Variants in STEAP1 observed in about 807,000 individuals in gnomAD.
The protein encoded by STEAP1 is STEAP1 protein.
A neutral mutation model predicts 34.4 loss-of-function variants in STEAP1; 30 were observed. The ratio of observed to expected loss-of-function variants is 0.87; its 90% CI spans 0.65 to 1.18. STEAP1 has a LOEUF of 1.18. Among genes scored for constraint, STEAP1 ranks in the 50% most tolerant of loss-of-function variants. STEAP1 has a pLI of 0.00. For missense variants in STEAP1, 318 were observed against 391.1 expected (o/e 0.81, Z 1.58); for synonymous variants, 116 against 135.3 (o/e 0.86, Z 0.99).
chr7:90,157,957 T>C (rs1325741127), intron 1 of STEAP1, among the ~76,000 whole-genome samples: 2 of 152,198 alleles, frequency 1.3e-5, no homozygotes, highest in East Asian at 1.9e-4. Flanking sequence ...TTAGGCTAGA[T>C]GGTATAGTCT....
intron 1 of STEAP1, among the ~76,000 whole-genome samples, chr7:90,155,991 A>T (rs969145275): frequency 2.0e-5 from 3 of 152,110 alleles, no homozygotes; most frequent in Admixed American, 1.3e-4. Flanking sequence ...ACATCGCTCT[A>T]CCATGCAGTT....
At position 90,161,239 on chromosome 7, in the gene STEAP1, A is replaced by G; in HGVS notation, c.519A>G (p.Val173=). 1.2e-6 allele frequency: 2 copies of G among 1,614,134 alleles called. No homozygotes were observed. The highest frequency in any genetic ancestry group is 2.2e-5 in the South Asian group (2 of 91,082). Residue 173 remains valine (V), a synonymous_variant, in exon 3 of 5, where the codon GTA becomes GTG. Transcript: ENST00000297205. ...QFGLLSFFFA[V]LHAIYSLSYP... is the part of the protein sequence containing the mutation. ...GGCTTCTCAGTTTCTTTTTTGCTGT[A>G]CTGCATGCAATTTATAGTCTGTCTT...
chr7:90,157,320 T>C (rs1357440659), intron 1 of STEAP1, among the ~76,000 whole-genome samples: 1 of 152,238 alleles, frequency 6.6e-6, no homozygotes, highest in Admixed American at 6.5e-5. Context: ...GCTTTCTTCT[T>C]TTCTAATGAA....
At position 90,160,841 on chromosome 7, in the gene STEAP1, C is replaced by T. The variant is rs553569756; in HGVS notation, c.121C>T (p.Pro41Ser). 33 of 1,614,000 alleles carry T rather than the reference C, an allele frequency of 2.0e-5. No homozygotes were observed. The South Asian group carries it at 3.6e-4, about 18-fold the overall frequency. The change falls in exon 3 of 5, where the codon CCT becomes TCT. Residue 41 changes from proline (P) to serine (S), a missense_variant. Physicochemically the swap from Pro to Ser is moderately conservative, Grantham distance 74. Coordinates refer to ENST00000297205, the MANE Select transcript of STEAP1 (RefSeq NM_012449.3). ...DTGETSMLKR[P>S]VLLHLHQTAH... ...GGGAGAGACCAGCATGCTAAAAAGACCTGTGCTTTTGCATTTGCACCAAAC... is the reference window on the plus strand; with the variant it reads ...GGGAGAGACCAGCATGCTAAAAAGATCTGTGCTTTTGCATTTGCACCAAAC...
rs781085814 is a variant in STEAP1 at position 90,161,017 on chromosome 7, A to G, written c.297A>G (p.Ala99=). Residue 99 remains alanine (A), a synonymous_variant, in exon 3 of 5, where the codon GCA becomes GCG. Coordinates refer to ENST00000297205, the MANE Select transcript of STEAP1 (RefSeq NM_012449.3). ...TLLREVIHPL[A]TSHQQYFYKI... is the part of the protein sequence containing the mutation. Reference sequence around the variant, plus strand: ...TGAGGGAAGTAATTCACCCTTTAGCAACTTCCCATCAACAATATTTTTATA... The same window carrying G: ...TGAGGGAAGTAATTCACCCTTTAGCGACTTCCCATCAACAATATTTTTATA... 3 of 1,613,874 alleles carry G rather than the reference A, an allele frequency of 1.9e-6. No homozygotes were observed. Among genetic ancestry groups the G allele is most frequent in the Non-Finnish European group, 8.5e-7 (1 of 1,179,858 alleles).
rs777671233 is a variant in STEAP1 at position 90,164,752 on chromosome 7, A to G, written c.*18A>G. On this transcript the variant is annotated 3_prime_UTR_variant, in exon 5 of 5. Coordinates refer to ENST00000297205, the MANE Select transcript of STEAP1 (RefSeq NM_012449.3). ...AGTTGTAGAATTACTGTTTACACAC[A>G]TTTTTGTTCAATATTGATATATTTT... 1.3e-6 allele frequency: 2 copies of G among 1,580,466 alleles called. No individual in the cohort carries two copies. The highest frequency in any genetic ancestry group is 1.7e-6 in the Non-Finnish European group (2 of 1,163,416).
chr7:90,159,786 T>C lies in STEAP1; in HGVS notation c.-3T>C. 2 of 1,538,578 alleles carry C rather than the reference T, an allele frequency of 1.3e-6. No individual in the cohort carries two copies. Among genetic ancestry groups the C allele is most frequent in the Non-Finnish European group, 1.7e-6 (2 of 1,145,360 alleles). On this transcript the variant is annotated 5_prime_UTR_variant, in exon 2 of 5. Coordinates refer to ENST00000297205, the MANE Select transcript of STEAP1 (RefSeq NM_012449.3). ...GCTGAAGCCATACTATTTTATAGAA[T>C]TAATGGAAAGCAGAAAAGACATCAC...
intron 1 of STEAP1, among the ~76,000 whole-genome samples, chr7:90,159,190 T>C (rs937597149): frequency 3.3e-5 from 5 of 152,228 alleles, no homozygotes; most frequent in African/African-American, 1.2e-4. Context: ...GGGCACATCA[T>C]TAATTCGGCA....
At position 90,159,863 on chromosome 7, in the gene STEAP1, C is replaced by T. The variant is rs750913817; in HGVS notation, c.75C>T (p.Asp25=). 33 of 1,524,490 alleles carry T rather than the reference C, an allele frequency of 2.2e-5. No homozygotes were observed. The highest frequency in any genetic ancestry group is 4.2e-5 in the African/African-American group (3 of 71,352). 94.4% of individuals were successfully genotyped at this position (1,524,490 alleles called of 1,614,324 possible). ...AGCCTAGGAGAAATTTAGAAGAAGACGATTATTTGGTAAAATATTAATAAT... is the reference window on the plus strand; with the variant it reads ...AGCCTAGGAGAAATTTAGAAGAAGATGATTATTTGGTAAAATATTAATAAT... The part of the protein sequence containing the change: ...KMKPRRNLEE[D]DYLHKDTGET... Residue 25 remains aspartate (D), a synonymous_variant, in exon 2 of 5, where the codon GAC becomes GAT. Coordinates refer to ENST00000297205, the MANE Select transcript of STEAP1 (RefSeq NM_012449.3).
At chr7:90,163,197 C>T in intron 4 of STEAP1, 1 of 204,956 alleles carries the variant, frequency 4.9e-6, no homozygotes. Context: ...GAAAGTATGC[C>T]TCCATCTGAA....
rs772656393 is a variant in STEAP1 at position 90,160,860 on chromosome 7, A to C, written c.140A>C (p.His47Pro). The C allele has an allele frequency of 6.2e-7, 1 of 1,614,020 alleles. No individual in the cohort carries two copies. Among genetic ancestry groups the C allele is most frequent in the Non-Finnish European group, 8.5e-7 (1 of 1,179,874 alleles). ...MLKRPVLLHL[H>P]QTAHADEFDC... ...AAAAGACCTGTGCTTTTGCATTTGC[A>C]CCAAACAGCCCATGCTGATGAATTT... Residue 47 changes from histidine to proline, a missense_variant, in exon 3 of 5, where the codon CAC becomes CCC. Physicochemically the swap from His to Pro is moderately conservative, Grantham distance 77. Coordinates refer to ENST00000297205, the MANE Select transcript of STEAP1 (RefSeq NM_012449.3).
At position 90,161,121 on chromosome 7, in the gene STEAP1, T is replaced by G; in HGVS notation, c.401T>G (p.Val134Gly). 1 of 1,613,952 alleles carries G rather than the reference T, an allele frequency of 6.2e-7. No individual in the cohort carries two copies. The highest frequency in any genetic ancestry group is 8.5e-7 in the Non-Finnish European group (1 of 1,179,820). ...TLLALVYLPG[V>G]IAAIVQLHNG... ...TTGGCATTGGTTTACCTGCCAGGTG[T>G]GATAGCAGCAATTGTCCAACTTCAT... The change falls in exon 3 of 5, where the codon GTG becomes GGG. Residue 134 changes from valine (V) to glycine (G), a missense_variant. Coordinates refer to ENST00000297205, the MANE Select transcript of STEAP1 (RefSeq NM_012449.3).
chr7:90,157,303 C>T (rs1182253968), intron 1 of STEAP1, among the ~76,000 whole-genome samples: 1 of 152,176 alleles, frequency 6.6e-6, no homozygotes, highest in Non-Finnish European at 1.5e-5. Context: ...GTTCTGCTTC[C>T]GTGTTGGCTT....
At chr7:90,162,308 T>TTTTTG (rs1554336337) in intron 4 of STEAP1, 5,777 of 596,088 alleles carry the variant, frequency 9.7e-3, no homozygotes, top group Middle Eastern at 0.022. Context: ...TGTTTTTTTT[T>TTTTTG]TTTGTTTGTT....
At position 90,158,448 on chromosome 7, in the gene STEAP1, AT is replaced by A. The variant is rs140238911; in HGVS notation, c.-31-1300del. ...TCCTTAAGCTTTTTTTCTATTTCTA[AT>A]TTTTTTTTTCTTTTTAGACTTTTTT... On this transcript the variant is annotated intron_variant, in intron 1 of 4. Transcript: ENST00000297205. Among the ~76,000 whole-genome samples, 25 of 149,748 alleles carry A rather than the reference AT, an allele frequency of 1.7e-4. 1 individual carries two copies. Among genetic ancestry groups the A allele is most frequent in the South Asian group, 8.5e-4 (4 of 4,698 alleles).
At chr7:90,154,787 G>A (rs1228119118) in intron 1 of STEAP1, among the ~76,000 whole-genome samples, 4 of 152,208 alleles carry the variant, frequency 2.6e-5, no homozygotes, top group Non-Finnish European at 1.5e-5. Flanking sequence ...GAGAGCCAGG[G>A]ACTCACAGGA....
At chr7:90,156,747 C>A (rs1412101138) in intron 1 of STEAP1, among the ~76,000 whole-genome samples, 1 of 152,166 alleles carries the variant, frequency 6.6e-6, no homozygotes, top group Non-Finnish European at 1.5e-5. Flanking sequence ...CGAAACCAGT[C>A]CCTGGTGCCA....
rs781442948 is a variant in STEAP1, at chr7:90,164,717, A to G, written c.1003A>G (p.Ile335Val). ...EDVTKINKTE[I>V]CSQL ...CGTCACCAAAATTAACAAAACTGAGATATGTTCCCAGTTGTAGAATTACTG... is the reference window on the plus strand; with the variant it reads ...CGTCACCAAAATTAACAAAACTGAGGTATGTTCCCAGTTGTAGAATTACTG... The change falls in exon 5 of 5, where the codon ATA becomes GTA. Residue 335 changes from isoleucine to valine, a missense_variant. Coordinates refer to ENST00000297205, the MANE Select transcript of STEAP1 (RefSeq NM_012449.3). The G allele has an allele frequency of 6.2e-7, 1 of 1,612,056 alleles. No individual in the cohort carries two copies. Among genetic ancestry groups the G allele is most frequent in the Non-Finnish European group, 8.5e-7 (1 of 1,179,288 alleles).
chr7:90,155,205 A>G (rs1342766251), intron 1 of STEAP1, among the ~76,000 whole-genome samples: 1 of 152,166 alleles, frequency 6.6e-6, no homozygotes, highest in African/African-American at 2.4e-5. Context: ...AAGGTTATTC[A>G]TTTAACATGA....
Sources: allele counts gnomAD v4.1 joint callset (sites outside exome capture counted in the v4.1 genomes callset), GRCh38; gene constraint gnomAD v4.1.1; transcripts MANE v1.5; gene names NCBI Gene and HGNC (gene_info 2026-07-23, HGNC 2026-07-21).